Variants in CDH18 observed in about 807,000 individuals in gnomAD.
The protein encoded by CDH18 is cadherin-18.
CDH18 carries 31 observed loss-of-function variants against 67.9 expected under a neutral mutation model. The ratio of observed to expected loss-of-function variants is 0.46; its 90% CI spans 0.34 to 0.62. The LOEUF is 0.62. Among genes scored for constraint, CDH18 ranks in the 20% least tolerant of loss-of-function variants. The probability of loss-of-function intolerance (pLI) is 0.01; values close to 1 mark genes in which losing one functional copy is unlikely to be tolerated. For synonymous variants in CDH18, 362 were observed against 347.2 expected, an observed-to-expected ratio of 1.04 and a Z score of -0.48; for missense variants, 890 against 975.5, an observed-to-expected ratio of 0.91 and a Z score of 1.17.
At chr5:19,483,208 A>T in intron 12 of CDH18, 93 bp downstream of exon 12, 1 of 1,258,330 alleles carries the variant, frequency 7.9e-7, no homozygotes, top group Non-Finnish European at 1.1e-6. Context: ...TTCCTTACCC[A>T]CATTATGGAT....
chr5:19,667,999 A>G (rs1758202598), intron 5 of CDH18, among the ~76,000 whole-genome samples: 4 of 152,162 alleles, frequency 2.6e-5, no homozygotes, highest in Middle Eastern at 3.4e-3. Context: ...ACCAATAATA[A>G]TAGAACTAAT....
chr5:20,135,042 A>G (rs1246747073), intron 2 of CDH18, among the ~76,000 whole-genome samples: 1 of 152,006 alleles, frequency 6.6e-6, no homozygotes, highest in African/African-American at 2.4e-5. Context: ...CCCATGAGAG[A>G]GAAGAAAGGT....
intron 6 of CDH18, among the ~76,000 whole-genome samples, chr5:19,610,277 C>G (rs1748735239): frequency 6.6e-6 from 1 of 152,036 alleles, no homozygotes; most frequent in Admixed American, 6.6e-5. Flanking sequence ...TCTGTTTTGT[C>G]AGGTAAAGTG....
intron 4 of CDH18, among the ~76,000 whole-genome samples, chr5:19,722,763 T>C (rs1766274876): frequency 6.6e-6 from 1 of 152,128 alleles, no homozygotes; most frequent in Admixed American, 6.5e-5. Context: ...AGAAAAATTC[T>C]ACCTACTAAT....
At chr5:20,372,876 T>C (rs1353694245) in intron 1 of CDH18, among the ~76,000 whole-genome samples, 1 of 152,134 alleles carries the variant, frequency 6.6e-6, no homozygotes, top group African/African-American at 2.4e-5. Flanking sequence ...TGAAATTAAA[T>C]CTAGATTCTA....
intron 9 of CDH18, among the ~76,000 whole-genome samples, chr5:19,528,133 T>C (rs893517995): frequency 5.9e-5 from 9 of 151,862 alleles, no homozygotes; most frequent in Admixed American, 2.0e-4. Flanking sequence ...CTCAATTATA[T>C]AAGAAAATCT....
chr5:20,418,993 G>A (rs1319145530), intron 1 of CDH18, among the ~76,000 whole-genome samples: 1 of 151,868 alleles, frequency 6.6e-6, no homozygotes, highest in Non-Finnish European at 1.5e-5. Context: ...AACTAGATGA[G>A]GGATATGGTT....
intron 1 of CDH18, among the ~76,000 whole-genome samples, chr5:20,355,566 T>C (rs1165024663): frequency 6.6e-6 from 1 of 152,200 alleles, no homozygotes; most frequent in East Asian, 1.9e-4. Context: ...AAGAGCAATC[T>C]TTAGAAAGTG....
intron 12 of CDH18, among the ~76,000 whole-genome samples, chr5:19,477,011 C>A (rs1738573385): frequency 6.6e-6 from 1 of 151,186 alleles, no homozygotes; most frequent in Non-Finnish European, 1.5e-5. Flanking sequence ...TACATTTGAA[C>A]GTTGAAGGTT....
chr5:19,891,460 T>C (rs1788777361), intron 2 of CDH18, among the ~76,000 whole-genome samples: 1 of 152,140 alleles, frequency 6.6e-6, no homozygotes, highest in South Asian at 2.1e-4. Flanking sequence ...GAGATTATGT[T>C]ATGCACAAAA....
chr5:20,164,410 C>T (rs189791244), intron 2 of CDH18, among the ~76,000 whole-genome samples: 229 of 152,194 alleles, frequency 1.5e-3, no homozygotes, highest in African/African-American at 4.8e-3. Flanking sequence ...CCTCAGCCTC[C>T]CAAGTAGCCT....
At chr5:19,997,103 T>C (rs552704931) in intron 2 of CDH18, among the ~76,000 whole-genome samples, 1 of 152,176 alleles carries the variant, frequency 6.6e-6, no homozygotes, top group African/African-American at 2.4e-5. Context: ...AATGAGTTGA[T>C]AAAGCATTGT....
At chr5:20,178,717 T>C (rs950758336) in intron 2 of CDH18, among the ~76,000 whole-genome samples, 5 of 152,072 alleles carry the variant, frequency 3.3e-5, no homozygotes, top group Admixed American at 3.3e-4. Flanking sequence ...TTCCCCTACG[T>C]TGTAATTTGC....
intron 6 of CDH18, among the ~76,000 whole-genome samples, chr5:19,605,585 T>C (rs1747903344): frequency 1.3e-5 from 2 of 152,004 alleles, no homozygotes. Context: ...CTGGATATGA[T>C]GGAGGGGTAT....
At chr5:20,362,008 A>C (rs376432864) in intron 1 of CDH18, among the ~76,000 whole-genome samples, 2 of 151,414 alleles carry the variant, frequency 1.3e-5, no homozygotes, top group East Asian at 1.9e-4. Flanking sequence ...TACTATTTGC[A>C]TTCATGCCAG....
intron 9 of CDH18, among the ~76,000 whole-genome samples, chr5:19,531,427 A>G (rs914945858): frequency 3.3e-5 from 5 of 152,202 alleles, no homozygotes; most frequent in African/African-American, 1.2e-4. Flanking sequence ...ACTTATTAGA[A>G]TGACGGGGAA....
chr5:20,035,740 C>T (rs894085133), intron 2 of CDH18, among the ~76,000 whole-genome samples: 4 of 151,928 alleles, frequency 2.6e-5, no homozygotes, highest in Non-Finnish European at 4.4e-5. Flanking sequence ...ACAACAAAAC[C>T]ATATCAGTCA....
At chr5:19,707,236 C>T (rs1259401740) in intron 5 of CDH18, among the ~76,000 whole-genome samples, 5 of 152,072 alleles carry the variant, frequency 3.3e-5, no homozygotes, top group African/African-American at 4.8e-5. Context: ...GAGCAACACC[C>T]GTTGAACACA....
In CDH18 at chr5:20,431,365, C is replaced by T. The variant is rs571712110; in HGVS notation, c.-580+144097G>A. 7.1e-4 allele frequency among the ~76,000 whole-genome samples: 107 copies of T among 151,688 alleles called. 1 individual carries two copies. The highest frequency in any genetic ancestry group is 2.3e-3 in the African/African-American group (97 of 41,370). On this transcript the variant is annotated intron_variant, in intron 1 of 14. Transcript: ENST00000507958. The stretch of plus-strand genomic sequence containing the variant: ...AACATTACGTGGGTATGGTGGTGCA[C>T]GCCTGTAATCCCAGCTACTTGGGAG...
Sources: gnomAD v4.1 joint callset for allele counts (sites outside exome capture counted in the v4.1 genomes callset) on GRCh38, gnomAD v4.1.1 for gene constraint, MANE v1.5 for transcripts, NCBI Gene and HGNC (gene_info 2026-07-23, HGNC 2026-07-21) for gene names.